TMC7: variants seen among roughly 807,000 people sequenced by gnomAD.
TMC7 encodes the protein transmembrane channel-like protein 7.
TMC7 carries 54 observed loss-of-function variants against 82.9 expected under a neutral mutation model. The ratio of observed to expected loss-of-function variants is 0.65; its 90% CI spans 0.52 to 0.82. The LOEUF is 0.82. Ranked by LOEUF, TMC7 falls within the 40% of genes least tolerant of loss-of-function variation. The probability of loss-of-function intolerance (pLI) is 0.00; values close to 1 mark genes in which losing one functional copy is unlikely to be tolerated. For missense variants in TMC7, 820 were observed against 901.2 expected, an observed-to-expected ratio of 0.91 and a Z score of 1.15; for synonymous variants, 350 against 337.9, an observed-to-expected ratio of 1.04 and a Z score of -0.39.
At chr16:18,989,855 C>A (rs1196321556) in intron 1 of TMC7, among the ~76,000 whole-genome samples, 1 of 151,816 alleles carries the variant, frequency 6.6e-6, no homozygotes, top group East Asian at 1.9e-4. Flanking sequence ...TGATATCTAG[C>A]TCTGTCGCCC....
At chr16:19,044,247 G>T (rs532379791) in intron 9 of TMC7, among the ~76,000 whole-genome samples, 1 of 152,254 alleles carries the variant, frequency 6.6e-6, no homozygotes, top group South Asian at 2.1e-4. Flanking sequence ...TCCGCTCACT[G>T]CAGCCTTGAT....
Position 19,010,277 on chromosome 16 carries a change from C to T in TMC7, c.311+862C>T, listed in dbSNP as rs536144866. Among the ~76,000 whole-genome samples, 14 of 151,864 alleles carry T rather than the reference C, an allele frequency of 9.2e-5. No individual in the cohort carries two copies. The East Asian group carries it at 2.5e-3, about 28-fold the overall frequency. On this transcript the variant is annotated intron_variant, in intron 2 of 15. Coordinates refer to ENST00000304381, the MANE Select transcript of TMC7 (RefSeq NM_024847.4). ...TCAAGCGATTCTCCTGCCTCAGTCT[C>T]CCGAGTAGCTGGGATTACAGGCATG...
intron 3 of TMC7, 57 bp from the exon 4 acceptor site, chr16:19,021,572 A>G (rs1360830386): frequency 1.3e-6 from 2 of 1,570,504 alleles, no homozygotes; most frequent in Admixed American, 1.8e-5. Flanking sequence ...GATTGAATCT[A>G]TGATGTGTAG....
intron 1 of TMC7, among the ~76,000 whole-genome samples, chr16:18,987,457 C>T (rs560241905): frequency 5.3e-5 from 8 of 152,182 alleles, no homozygotes; most frequent in Non-Finnish European, 7.4e-5. Flanking sequence ...ACTACAGGCA[C>T]GTGCCACCAT....
At chr16:19,044,625 C>T (rs1213495515) in intron 9 of TMC7, among the ~76,000 whole-genome samples, 3 of 151,862 alleles carry the variant, frequency 2.0e-5, no homozygotes, top group Non-Finnish European at 4.4e-5. Flanking sequence ...ATGGTGAAAC[C>T]TCAGATCTAC....
At position 19,006,556 on chromosome 16, in the gene TMC7, G is replaced by T. The variant is rs572569288; in HGVS notation, c.68-2616G>T. 3.4e-4 allele frequency among the ~76,000 whole-genome samples: 52 copies of T among 152,266 alleles called. No individual in the cohort carries two copies. In the East Asian group the frequency reaches 5.2e-3, roughly 15 times the overall value. ...TGCCACAGTCTACAAAGCCTGACTT[G>T]GTTCGACCCCAGCCACCCCTCTGAC... On this transcript the variant is annotated intron_variant, in intron 1 of 15. Transcript: ENST00000304381.
chr16:19,030,151 A>G, intron 5 of TMC7, 73 bp from the exon 6 acceptor site: 1 of 1,475,654 alleles, frequency 6.8e-7, no homozygotes, highest in Non-Finnish European at 9.2e-7. Context: ...GTGTTCCTTG[A>G]GGCAGGGACT....
chr16:18,996,055 A>T (rs868440043), intron 1 of TMC7, among the ~76,000 whole-genome samples: 37 of 152,232 alleles, frequency 2.4e-4, no homozygotes, highest in South Asian at 1.7e-3. Flanking sequence ...TTTTAAGAGG[A>T]AATTGTTGGG....
rs766687746 is a variant in TMC7, at chr16:19,061,840, C to G, written c.2169C>G (p.Asn723Lys). The change falls in exon 16 of 16, where the codon AAC becomes AAG. Residue 723 changes from asparagine to lysine, a missense_variant. Physicochemically the swap from Asn to Lys is moderately conservative, Grantham distance 94 (BLOSUM62 0). Around this residue, in one of 2 missense-constraint regions of TMC7, gnomAD observed 170 missense variants for 231.3 expected, o/e 0.74. Coordinates refer to ENST00000304381, the MANE Select transcript of TMC7 (RefSeq NM_024847.4). ...CAGAAGCCCAAAGGGACATGAGGAACTAACTAGACTGAGCGTGAAGATGGT... is the reference window on the plus strand; with the variant it reads ...CAGAAGCCCAAAGGGACATGAGGAAGTAACTAGACTGAGCGTGAAGATGGT... ...KLTEAQRDMR[N>K] The G allele has an allele frequency of 1.2e-6, 2 of 1,613,418 alleles. No homozygotes were observed. The highest frequency in any genetic ancestry group is 1.7e-6 in the Non-Finnish European group (2 of 1,179,608).
chr16:19,016,591 C>T lies in TMC7; in HGVS notation c.453C>T (p.Ser151=). 1 of 1,613,380 alleles carries T rather than the reference C, an allele frequency of 6.2e-7. No individual in the cohort carries two copies. The highest frequency in any genetic ancestry group is 8.5e-7 in the Non-Finnish European group (1 of 1,179,920). Reference sequence around the variant, plus strand: ...AGCTGTGGCGGGAGGACATCCGCAGCATAGAAGGTATGCTGTCCTCACCTC... The same window carrying T: ...AGCTGTGGCGGGAGGACATCCGCAGTATAGAAGGTATGCTGTCCTCACCTC... ...HLELWREDIR[S]IEGKFGTGIQ... The change falls in exon 3 of 16, where the codon AGC becomes AGT. Residue 151 remains serine, a synonymous_variant. Transcript: ENST00000304381.
At chr16:19,046,666 C>T (rs1961286138) in intron 11 of TMC7, among the ~76,000 whole-genome samples, 1 of 152,014 alleles carries the variant, frequency 6.6e-6, no homozygotes, top group Non-Finnish European at 1.5e-5. Flanking sequence ...GAGACCCTGT[C>T]CCTACAAAAC....
At chr16:19,004,566 T>C (rs190239896) in intron 1 of TMC7, among the ~76,000 whole-genome samples, 5 of 152,264 alleles carry the variant, frequency 3.3e-5, no homozygotes, top group Admixed American at 2.6e-4. Flanking sequence ...GGTTTCACCA[T>C]GTTGGCCAGG....
At chr16:19,007,634 C>T (rs1025337484) in intron 1 of TMC7, among the ~76,000 whole-genome samples, 5 of 151,792 alleles carry the variant, frequency 3.3e-5, no homozygotes, top group Non-Finnish European at 5.9e-5. Flanking sequence ...CGTGCCACTG[C>T]ACTCCAGCCT....
In TMC7 at chr16:18,993,868, G is replaced by A. The variant is rs112308553; in HGVS notation, c.67+9738G>A. On this transcript the variant is annotated intron_variant, in intron 1 of 15. Transcript: ENST00000304381. ...TTCAGCCTGCTGAGAAGTAGTGGAG[G>A]GGGGCAGAGTGGTAGCCTCAATGAT... Among the ~76,000 whole-genome samples the A allele has an allele frequency of 9.5e-3, 1,450 of 152,266 alleles. 27 individuals are homozygous for A. The highest frequency in any genetic ancestry group is 0.032 in the African/African-American group (1,349 of 41,552).
intron 9 of TMC7, among the ~76,000 whole-genome samples, chr16:19,044,570 C>A (rs1344370745): frequency 6.6e-6 from 1 of 151,860 alleles, no homozygotes; most frequent in East Asian, 2.0e-4. Flanking sequence ...GAGCCCAAGA[C>A]AGGCGGATTG....
At chr16:19,002,853 C>A (rs966578739) in intron 1 of TMC7, among the ~76,000 whole-genome samples, 1 of 152,216 alleles carries the variant, frequency 6.6e-6, no homozygotes, top group Non-Finnish European at 1.5e-5. Context: ...AACAGCAAGG[C>A]TCTTGGCTGG....
chr16:18,994,269 G>A (rs561382515), intron 1 of TMC7, among the ~76,000 whole-genome samples: 48 of 150,334 alleles, frequency 3.2e-4, no homozygotes, highest in Non-Finnish European at 5.9e-4. Context: ...TGATTTTGAG[G>A]GCCTCTAAAA....
rs976387212 is a variant in TMC7, at chr16:19,063,192, C to T, written c.*1349C>T. 1.3e-5 allele frequency: 2 copies of T among 152,116 alleles called. No homozygotes were observed. Among genetic ancestry groups the T allele is most frequent in the Admixed American group, 6.6e-5 (1 of 15,252 alleles). 9.4% of individuals were successfully genotyped at this position (152,116 alleles called of 1,614,324 possible). On this transcript the variant is annotated 3_prime_UTR_variant, in exon 16 of 16. Transcript: ENST00000304381. ...ATACCACCCTGAAAATGCCTGATCT[C>T]GTCTAAATCTAATAACTGGTGTCAT...
At chr16:19,018,559 G>A (rs1959818406) in intron 3 of TMC7, among the ~76,000 whole-genome samples, 1 of 152,050 alleles carries the variant, frequency 6.6e-6, no homozygotes, top group South Asian at 2.1e-4. Flanking sequence ...CATGACACTG[G>A]GTGTTAGGGC....
Sources: gnomAD v4.1 joint callset for allele counts (sites outside exome capture counted in the v4.1 genomes callset) on GRCh38, gnomAD v4.1.1 for gene constraint, gnomAD v4.1.1 regional missense constraint, MANE v1.5 for transcripts, NCBI Gene and HGNC (gene_info 2026-07-23, HGNC 2026-07-21) for gene names.